Variants in SFMBT1 observed in about 807,000 individuals in gnomAD.
The protein encoded by SFMBT1 is scm-like with four MBT domains protein 1.
In SFMBT1, 32 loss-of-function variants were observed where a neutral mutation model predicts 108.7. The ratio of observed to expected loss-of-function variants is 0.29; its 90% confidence interval spans 0.22 to 0.40. The LOEUF is 0.40. Among genes scored for constraint, SFMBT1 ranks in the 10% least tolerant of loss-of-function variants. SFMBT1 has a pLI of 1.00. For synonymous variants in SFMBT1, 348 were observed against 369.5 expected, an observed-to-expected ratio of 0.94 and a Z score of 0.67; for missense variants, 816 against 1,059.6, an observed-to-expected ratio of 0.77 and a Z score of 3.19.
At chr3:53,005,798 T>C (rs1002496994) in intron 1 of SFMBT1, among the ~76,000 whole-genome samples, 2 of 152,190 alleles carry the variant, frequency 1.3e-5, no homozygotes, top group Non-Finnish European at 2.9e-5. Context: ...GATGTGAATA[T>C]GGGTCAGAAA....
At chr3:52,972,936 C>T (rs986341204) in intron 1 of SFMBT1, among the ~76,000 whole-genome samples, 12 of 152,068 alleles carry the variant, frequency 7.9e-5, no homozygotes, top group African/African-American at 2.9e-4. Flanking sequence ...AGAAGAGAAT[C>T]GCTTGAGCCT....
chr3:52,930,514 G>A, intron 7 of SFMBT1, 84 bp from the exon 8 acceptor site: 1 of 796,520 alleles, frequency 1.3e-6, no homozygotes. Flanking sequence ...TAACAGAAAT[G>A]TCCAGCTCTG....
At chr3:52,980,700 T>C (rs1183241833) in intron 1 of SFMBT1, among the ~76,000 whole-genome samples, 3 of 151,236 alleles carry the variant, frequency 2.0e-5, no homozygotes, top group Non-Finnish European at 4.4e-5. Flanking sequence ...AAGCCATCAC[T>C]GCAGCTACGC....
chr3:53,031,935 G>T (rs569744780), intron 1 of SFMBT1, among the ~76,000 whole-genome samples: 1 of 152,300 alleles, frequency 6.6e-6, no homozygotes, highest in East Asian at 1.9e-4. Context: ...GCTAAAAATA[G>T]AATATTTCTT....
intron 1 of SFMBT1, among the ~76,000 whole-genome samples, chr3:52,978,007 TAA>T (rs34041409): frequency 6.6e-6 from 1 of 151,508 alleles, no homozygotes; most frequent in African/African-American, 2.4e-5. Context: ...TCAGGCACAA[TAA>T]AAAAAAATTA....
chr3:52,957,594 T>G (rs921838353), intron 2 of SFMBT1, among the ~76,000 whole-genome samples: 1 of 152,156 alleles, frequency 6.6e-6, no homozygotes, highest in Non-Finnish European at 1.5e-5. Flanking sequence ...AGCATGATAC[T>G]TGTACAAAAA....
intron 2 of SFMBT1, among the ~76,000 whole-genome samples, chr3:52,961,450 GC>G (rs1302878510): frequency 6.6e-6 from 1 of 151,870 alleles, no homozygotes; most frequent in East Asian, 1.9e-4. Context: ...TACTCAGGGG[GC>G]TGAAGCAAGA....
chr3:52,918,131 C>T (rs567122970), intron 13 of SFMBT1, among the ~76,000 whole-genome samples: 17 of 152,150 alleles, frequency 1.1e-4, no homozygotes, highest in Non-Finnish European at 2.1e-4. Context: ...GTCTTCTACC[C>T]CAGCTTTATT....
chr3:52,916,317 T>C, intron 13 of SFMBT1, 103 bp from the exon 14 acceptor site: 1 of 993,460 alleles, frequency 1.0e-6, no homozygotes, highest in South Asian at 1.4e-5. Context: ...ATGTGGCATG[T>C]TCGCAAAATC....
chr3:52,914,975 T>C (rs1702308713), intron 14 of SFMBT1, among the ~76,000 whole-genome samples: 1 of 152,032 alleles, frequency 6.6e-6, no homozygotes, highest in African/African-American at 2.4e-5. Context: ...CCTTGTGAGG[T>C]GGGGAGGGAG....
At chr3:52,921,949 T>C (rs962664994) in intron 10 of SFMBT1, 118 bp from the exon 11 acceptor site, 1 of 1,006,546 alleles carries the variant, frequency 9.9e-7, no homozygotes, top group African/African-American at 1.6e-5. Flanking sequence ...TAACATTTAT[T>C]TTGCATTGTT....
intron 6 of SFMBT1, among the ~76,000 whole-genome samples, chr3:52,931,578 G>A (rs968731422): frequency 6.6e-6 from 1 of 152,090 alleles, no homozygotes; most frequent in Non-Finnish European, 1.5e-5. Flanking sequence ...GGTGTCTCAC[G>A]CCTGTAATCC....
At chr3:52,974,575 T>A (rs1250691603) in intron 1 of SFMBT1, among the ~76,000 whole-genome samples, 1 of 152,180 alleles carries the variant, frequency 6.6e-6, no homozygotes, top group Non-Finnish European at 1.5e-5. Context: ...GTTTGTTATG[T>A]CATTTTTATT....
At chr3:52,941,364 C>T (rs918750409) in intron 4 of SFMBT1, among the ~76,000 whole-genome samples, 1 of 151,930 alleles carries the variant, frequency 6.6e-6, no homozygotes, top group Non-Finnish European at 1.5e-5. Context: ...GAGGCAGAAG[C>T]GGGCAGATCA....
intron 3 of SFMBT1, among the ~76,000 whole-genome samples, chr3:52,951,141 C>CA (rs1703575648): frequency 4.0e-5 from 3 of 75,254 alleles, no homozygotes; most frequent in Admixed American, 1.4e-4. Flanking sequence ...AAGAAAAATC[C>CA]AAGGTTTTCT....
intron 1 of SFMBT1, among the ~76,000 whole-genome samples, chr3:53,041,291 A>T (rs1224626447): frequency 2.0e-5 from 3 of 152,208 alleles, no homozygotes; most frequent in Non-Finnish European, 4.4e-5. Context: ...AGACTTATGC[A>T]GTGAAGTCAT....
At chr3:52,930,181 A>T (rs1702812514) in intron 8 of SFMBT1, 148 bp downstream of exon 8, 1 of 616,860 alleles carries the variant, frequency 1.6e-6, no homozygotes, top group Admixed American at 2.8e-5. Context: ...CTGGACAAAT[A>T]CAAAACGTGC....
chr3:52,907,774 T>G, intron 17 of SFMBT1, 41 bp from the exon 18 acceptor site: 1 of 1,553,218 alleles, frequency 6.4e-7, no homozygotes, highest in Non-Finnish European at 8.7e-7. Context: ...AGCTTCATTA[T>G]TTTTGTGTAC....
intron 16 of SFMBT1, among the ~76,000 whole-genome samples, 166 bp downstream of exon 16, chr3:52,912,372 G>GT (rs1264944231): frequency 6.6e-6 from 1 of 152,096 alleles, no homozygotes; most frequent in Non-Finnish European, 1.5e-5. Context: ...TAGAGACAGG[G>GT]TTTCATCATG....
Sources: gnomAD v4.1 joint callset for allele counts (sites outside exome capture counted in the v4.1 genomes callset) on GRCh38, gnomAD v4.1.1 for gene constraint, MANE v1.5 for transcripts, NCBI Gene and HGNC (gene_info 2026-07-23, HGNC 2026-07-21) for gene names.